AKAP19: variants seen among roughly 807,000 people sequenced by gnomAD.
The protein encoded by AKAP19 is A-kinase anchoring protein 19, also known as small A-kinase anchoring protein.
the AKAP19 span, among the ~76,000 whole-genome samples, chr2:189,992,383 C>T: frequency 2.0e-5 from 3 of 151,988 alleles, no homozygotes; most frequent in Admixed American, 6.6e-5. Context: ...ATAAAAATAA[C>T]GTGTATGTAG....
chr2:189,901,834 T>G, the AKAP19 span, among the ~76,000 whole-genome samples: 1 of 152,206 alleles, frequency 6.6e-6, no homozygotes, highest in African/African-American at 2.4e-5. Context: ...CTGTTAGCTA[T>G]ATTCCCTTGA....
chr2:189,953,156 A>G, the AKAP19 span, among the ~76,000 whole-genome samples: 2 of 152,174 alleles, frequency 1.3e-5, no homozygotes, highest in Admixed American at 1.3e-4. Context: ...CAATAGGGAA[A>G]GTGGGGACAG....
the AKAP19 span, among the ~76,000 whole-genome samples, chr2:190,088,629 A>AT: frequency 4.5e-3 from 679 of 152,358 alleles, 3 homozygotes; most frequent in African/African-American, 0.015. Flanking sequence ...AGAAAAAAAA[A>AT]GTATCATGTT....
At chr2:190,100,772 T>C in the AKAP19 span, among the ~76,000 whole-genome samples, 1 of 152,146 alleles carries the variant, frequency 6.6e-6, no homozygotes, top group Non-Finnish European at 1.5e-5. Context: ...AAAGATCAAC[T>C]GTGAGCTTTA....
the AKAP19 span, among the ~76,000 whole-genome samples, chr2:189,918,714 A>G: frequency 1.3e-5 from 2 of 152,248 alleles, no homozygotes; most frequent in Non-Finnish European, 2.9e-5. Context: ...ACAAATGTTC[A>G]TAGCAGCACT....
the AKAP19 span, among the ~76,000 whole-genome samples, chr2:190,080,775 T>C: frequency 1.3e-5 from 2 of 152,206 alleles, no homozygotes; most frequent in Non-Finnish European, 2.9e-5. Flanking sequence ...TATTTATAGA[T>C]TTTGTTGTCA....
chr2:190,094,549 A>C, the AKAP19 span, among the ~76,000 whole-genome samples: 1 of 152,174 alleles, frequency 6.6e-6, no homozygotes, highest in Non-Finnish European at 1.5e-5. Context: ...CAAAGTTTGC[A>C]AGTGTTTATT....
chr2:189,985,147 T>C, the AKAP19 span, among the ~76,000 whole-genome samples: 2 of 152,210 alleles, frequency 1.3e-5, no homozygotes, highest in African/African-American at 4.8e-5. Context: ...CTCCAAGTTC[T>C]TTGGGGTCAA....
At chr2:190,150,180 C>G in the AKAP19 span, 1 of 152,330 alleles carries the variant, frequency 6.6e-6, no homozygotes, top group Non-Finnish European at 1.5e-5. Context: ...GCTCTTCCCC[C>G]TCTGTGGAGT....
chr2:189,883,714 C>G, the AKAP19 span, among the ~76,000 whole-genome samples: 2 of 152,046 alleles, frequency 1.3e-5, no homozygotes, highest in African/African-American at 4.8e-5. Context: ...ATCTCTATCT[C>G]CTTTACTTAT....
At chr2:190,200,838 CCA>C in the AKAP19 span, 1 of 166,914 alleles carries the variant, frequency 6.0e-6, no homozygotes, top group African/African-American at 2.4e-5. Context: ...TGAATTAAGC[CCA>C]GTGATATAAC....
the AKAP19 span, among the ~76,000 whole-genome samples, chr2:190,145,429 G>T: frequency 2.0e-5 from 3 of 152,126 alleles, no homozygotes; most frequent in African/African-American, 7.2e-5. Flanking sequence ...AATTGCAGTT[G>T]ATTTTACAAC....
At chr2:189,984,063 C>G in the AKAP19 span, among the ~76,000 whole-genome samples, 1 of 152,096 alleles carries the variant, frequency 6.6e-6, no homozygotes, top group South Asian at 2.1e-4. Flanking sequence ...AGGACGAGAT[C>G]ACAGGACCAC....
the AKAP19 span, among the ~76,000 whole-genome samples, chr2:190,062,938 T>C: frequency 6.6e-6 from 1 of 152,050 alleles, no homozygotes; most frequent in African/African-American, 2.4e-5. Flanking sequence ...CTACAAATAA[T>C]AAAAGATATT....
the AKAP19 span, among the ~76,000 whole-genome samples, chr2:190,048,787 C>T: frequency 4.6e-5 from 7 of 152,102 alleles, no homozygotes; most frequent in African/African-American, 1.7e-4. Context: ...CATTGGGCAT[C>T]ATTCTACATT....
At chr2:189,957,573 C>T in the AKAP19 span, among the ~76,000 whole-genome samples, 1 of 152,258 alleles carries the variant, frequency 6.6e-6, no homozygotes, top group Admixed American at 6.5e-5. Flanking sequence ...CACAATTTTT[C>T]ATATGTAATT....
chr2:190,027,042 C>CA, the AKAP19 span, among the ~76,000 whole-genome samples: 1 of 152,110 alleles, frequency 6.6e-6, no homozygotes, highest in Non-Finnish European at 1.5e-5. Context: ...AATCCATGTC[C>CA]AAAATTCCAT....
At chr2:189,900,059 A>G in the AKAP19 span, among the ~76,000 whole-genome samples, 4 of 152,178 alleles carry the variant, frequency 2.6e-5, no homozygotes, top group South Asian at 6.2e-4. Flanking sequence ...ATATAGTCAT[A>G]TATTTTCATG....
chr2:190,137,598 A>G, the AKAP19 span, among the ~76,000 whole-genome samples: 2 of 152,232 alleles, frequency 1.3e-5, no homozygotes, highest in African/African-American at 4.8e-5. Context: ...ACTATTCGCC[A>G]TCATAAATAA....
Sources: allele counts gnomAD v4.1 joint callset (sites outside exome capture counted in the v4.1 genomes callset), GRCh38; gene constraint gnomAD v4.1.1; transcripts MANE v1.5; gene names NCBI Gene and HGNC (gene_info 2026-07-23, HGNC 2026-07-21).